The following RNF144A variants were observed in gnomAD, a reference collection of about 807,000 sequenced individuals.
RNF144A encodes ring finger protein 144A.
In RNF144A, 11 loss-of-function variants were observed where a neutral mutation model predicts 38.7. The ratio of observed to expected loss-of-function variants is 0.28; its 90% CI spans 0.18 to 0.47. The LOEUF is 0.47. Among genes scored for constraint, RNF144A ranks in the 20% least tolerant of loss-of-function variants. RNF144A has a pLI of 0.99. For synonymous variants in RNF144A, 149 were observed against 143.9 expected (o/e 1.04, Z -0.25); for missense variants, 316 against 377.2 (o/e 0.84, Z 1.34).
chr2:7,067,532 CTA>C (rs886164783), intron 6 of RNF144A, among the ~76,000 whole-genome samples: 24 of 152,102 alleles, frequency 1.6e-4, no homozygotes, highest in African/African-American at 5.8e-4. Flanking sequence ...GAGTTTCCGA[CTA>C]TTAAAAAAAT....
intron 2 of RNF144A, among the ~76,000 whole-genome samples, chr2:6,972,372 T>G (rs1310435505): frequency 6.6e-6 from 1 of 152,242 alleles, no homozygotes; most frequent in Non-Finnish European, 1.5e-5. Flanking sequence ...TAACTTCTTA[T>G]GCTAACCCCC....
chr2:7,025,199 G>A (rs906448837), intron 7 of RNF144A, among the ~76,000 whole-genome samples: 4 of 152,202 alleles, frequency 2.6e-5, no homozygotes, highest in African/African-American at 2.4e-5. Context: ...CCATGTCCCT[G>A]ACGGGAGGGC....
At chr2:7,067,471 G>A (rs959200625) in intron 6 of RNF144A, among the ~76,000 whole-genome samples, 1 of 152,126 alleles carries the variant, frequency 6.6e-6, no homozygotes, top group Admixed American at 6.5e-5. Context: ...GAGGCTTCAA[G>A]CTCAGTGTTT....
intron 2 of RNF144A, among the ~76,000 whole-genome samples, chr2:6,990,224 A>G (rs925411798): frequency 1.6e-4 from 24 of 152,092 alleles, no homozygotes; most frequent in African/African-American, 5.6e-4. Flanking sequence ...CCTGGCTTAC[A>G]GAGGCTGCCT....
At chr2:6,971,321 A>T (rs1049948553) in intron 2 of RNF144A, among the ~76,000 whole-genome samples, 1 of 152,070 alleles carries the variant, frequency 6.6e-6, no homozygotes, top group Non-Finnish European at 1.5e-5. Flanking sequence ...CCCGGTAGGG[A>T]TGGTAAGGAT....
chr2:6,975,007 A>T (rs1449540323), intron 2 of RNF144A, among the ~76,000 whole-genome samples: 1 of 152,252 alleles, frequency 6.6e-6, no homozygotes, highest in Non-Finnish European at 1.5e-5. Flanking sequence ...GAATAATTAT[A>T]ATGGCTTTTA....
intron 2 of RNF144A, among the ~76,000 whole-genome samples, chr2:6,968,932 A>G (rs1188182588): frequency 2.0e-5 from 3 of 152,276 alleles, no homozygotes; most frequent in South Asian, 2.1e-4. Context: ...CCTGCTGGTC[A>G]GATGAGGTCT....
Position 6,917,943 on chromosome 2 carries a change from C to T in RNF144A, c.-212+321C>T, listed in dbSNP as rs1664239673. 6.6e-6 allele frequency among the ~76,000 whole-genome samples: 1 copy of T among 151,552 alleles called. No individual in the cohort carries two copies. Among genetic ancestry groups the T allele is most frequent in the East Asian group, 2.0e-4 (1 of 5,082 alleles). ...GTGGGCGCTTAGGGACCTGGCGTCC[C>T]CCTGCCTGCCCTGCGCGGTCGCGGG... is the stretch of plus-strand genomic sequence containing the variant. On this transcript the variant is annotated intron_variant, in intron 1 of 8. Transcript: ENST00000320892. This position sits in a 1 kb window ranked among gnomAD's most constrained non-coding sequence, Gnocchi z 4.8.
At chr2:6,977,353 A>G (rs1668377696) in intron 2 of RNF144A, among the ~76,000 whole-genome samples, 2 of 152,254 alleles carry the variant, frequency 1.3e-5, no homozygotes, top group African/African-American at 4.8e-5. Flanking sequence ...TTTTGAGTTA[A>G]TGACACGAAA....
intron 8 of RNF144A, among the ~76,000 whole-genome samples, chr2:7,031,865 G>A (rs529424467): frequency 6.6e-6 from 1 of 152,372 alleles, no homozygotes; most frequent in Non-Finnish European, 1.5e-5. Flanking sequence ...AACTCCACCT[G>A]GCGGCACAGA....
At chr2:7,071,082 G>A (rs566485399), downstream of RNF144A, among the ~76,000 whole-genome samples, 76 of 152,060 alleles carry the variant, frequency 5.0e-4, no homozygotes, top group Middle Eastern at 0.01. Context: ...TTACAGGAGC[G>A]TGCCACCATG....
At chr2:7,019,637 C>T in intron 5 of RNF144A, among the ~76,000 whole-genome samples, 1 of 152,190 alleles carries the variant, frequency 6.6e-6, no homozygotes, top group East Asian at 1.9e-4. Flanking sequence ...GGGGTGGCCA[C>T]TGATCGAGAA....
intron 8 of RNF144A, among the ~76,000 whole-genome samples, chr2:7,037,553 G>T (rs1672760887): frequency 6.6e-6 from 1 of 152,238 alleles, no homozygotes; most frequent in South Asian, 2.1e-4. Flanking sequence ...TTGATATGTT[G>T]TTCAGACAAA....
At chr2:7,019,343 C>T (rs1671359084) in intron 5 of RNF144A, among the ~76,000 whole-genome samples, 1 of 152,194 alleles carries the variant, frequency 6.6e-6, no homozygotes. Flanking sequence ...TAGGTGAAGT[C>T]CCGGTCCACG....
intron 3 of RNF144A, among the ~76,000 whole-genome samples, chr2:7,006,609 C>T (rs541854066): frequency 5.6e-4 from 86 of 152,232 alleles, no homozygotes; most frequent in Non-Finnish European, 1.0e-3. Context: ...ACCCCAACCC[C>T]GAGCCCCTTC....
chr2:7,005,058 G>A (rs916077362), intron 3 of RNF144A, among the ~76,000 whole-genome samples: 9 of 152,208 alleles, frequency 5.9e-5, no homozygotes, highest in African/African-American at 2.2e-4. Context: ...TCTGTGAGAT[G>A]TATCTAAGAA....
intron 2 of RNF144A, among the ~76,000 whole-genome samples, chr2:6,947,250 A>T (rs1666397905): frequency 6.6e-6 from 1 of 152,088 alleles, no homozygotes; most frequent in Admixed American, 6.5e-5. Flanking sequence ...AGAAATGTAC[A>T]TTAATTTATA....
intron 2 of RNF144A, among the ~76,000 whole-genome samples, chr2:6,977,407 A>G (rs1366225978): frequency 6.6e-6 from 1 of 152,244 alleles, no homozygotes; most frequent in Admixed American, 6.5e-5. Context: ...CGTAACATCA[A>G]TTCATTGGGA....
intron 2 of RNF144A, 49 bp from the exon 3 acceptor site, chr2:6,996,867 G>T: frequency 6.3e-7 from 1 of 1,590,332 alleles, no homozygotes; most frequent in Non-Finnish European, 8.6e-7. Context: ...CGGAGCAGGT[G>T]GATGCCAGGG....
Sources: gnomAD v4.1 joint callset for allele counts (sites outside exome capture counted in the v4.1 genomes callset) on GRCh38, gnomAD v4.1.1 for gene constraint, Gnocchi (gnomAD v3.1) non-coding constraint, MANE v1.5 for transcripts, NCBI Gene and HGNC (gene_info 2026-07-23, HGNC 2026-07-21) for gene names.